Variants in EEFSEC observed in about 807,000 individuals in gnomAD.
EEFSEC encodes eukaryotic elongation factor, selenocysteine-tRNA specific.
Under a neutral mutation model 42.1 loss-of-function variants are expected in EEFSEC, and 43 were observed. The ratio of observed to expected loss-of-function variants is 1.02; its 90% CI spans 0.80 to 1.32. The LOEUF (loss-of-function observed/expected upper bound fraction) is 1.32. Ranked by LOEUF, EEFSEC falls within the 40% of genes most tolerant of loss-of-function variation. The pLI, the probability that EEFSEC is intolerant of heterozygous loss-of-function variation, is 0.00. For synonymous variants in EEFSEC, 354 were observed against 339.1 expected, an observed-to-expected ratio of 1.04 and a Z score of -0.48; for missense variants, 745 against 803.6, an observed-to-expected ratio of 0.93 and a Z score of 0.88.
chr3:128,222,621 A>G (rs1576557131), intron 1 of EEFSEC, among the ~76,000 whole-genome samples: 1 of 152,188 alleles, frequency 6.6e-6, no homozygotes, highest in Non-Finnish European at 1.5e-5. Flanking sequence ...TTATCTGTCT[A>G]CTCTTGATGA....
intron 1 of EEFSEC, among the ~76,000 whole-genome samples, chr3:128,172,335 G>A (rs997216754): frequency 3.3e-5 from 5 of 152,188 alleles, no homozygotes; most frequent in South Asian, 2.1e-4. Context: ...TGGGTCTAGC[G>A]GAAATGCCAC....
At chr3:128,299,830 C>T (rs1167921836) in intron 4 of EEFSEC, among the ~76,000 whole-genome samples, 2 of 152,212 alleles carry the variant, frequency 1.3e-5, no homozygotes, top group African/African-American at 4.8e-5. Context: ...TCGTTGCTTT[C>T]ATAGAGTTAC....
intron 2 of EEFSEC, among the ~76,000 whole-genome samples, chr3:128,251,215 ACCACTCTGTTGAC>A (rs1327013084): frequency 1.3e-5 from 2 of 152,064 alleles, no homozygotes; most frequent in Admixed American, 6.5e-5. Flanking sequence ...TCATGTAACC[ACCACTCTGTTGAC>A]CTACTAGACT....
At chr3:128,413,092 CA>C (rs981630430), downstream of EEFSEC, among the ~76,000 whole-genome samples, 4 of 152,144 alleles carry the variant, frequency 2.6e-5, no homozygotes, top group African/African-American at 4.8e-5. Flanking sequence ...CCAACACAAA[CA>C]GGGGGCAGAG....
the EEFSEC span, among the ~76,000 whole-genome samples, chr3:128,416,603 G>A: frequency 1.3e-5 from 2 of 152,176 alleles, no homozygotes; most frequent in African/African-American, 4.8e-5. Context: ...GTGGGAGTGG[G>A]GTGGCAGGGG....
chr3:128,409,618 C>T (rs189579211), downstream of EEFSEC, among the ~76,000 whole-genome samples: 661 of 152,340 alleles, frequency 4.3e-3, 5 homozygotes, highest in African/African-American at 0.014. Context: ...CCTGGAGGAA[C>T]GTGAGAGAGA....
chr3:128,403,059 G>A (rs1322099717), intron 6 of EEFSEC, among the ~76,000 whole-genome samples: 1 of 152,156 alleles, frequency 6.6e-6, no homozygotes, highest in Non-Finnish European at 1.5e-5. Flanking sequence ...GGAGCATGAG[G>A]GGGTTGTAGT....
At chr3:128,256,941 C>T (rs147640304) in intron 2 of EEFSEC, among the ~76,000 whole-genome samples, 6 of 152,154 alleles carry the variant, frequency 3.9e-5, no homozygotes, top group African/African-American at 1.4e-4. Context: ...GATGGGTTCT[C>T]TCTGTGTTGC....
intron 4 of EEFSEC, among the ~76,000 whole-genome samples, chr3:128,316,150 G>T (rs1232891450): frequency 6.6e-6 from 1 of 152,174 alleles, no homozygotes; most frequent in Non-Finnish European, 1.5e-5. Flanking sequence ...AAAGAGCGTG[G>T]TATTTATTCA....
intron 4 of EEFSEC, among the ~76,000 whole-genome samples, chr3:128,271,847 TG>T (rs2066416673): frequency 6.6e-6 from 1 of 152,136 alleles, no homozygotes; most frequent in African/African-American, 2.4e-5. Context: ...CTCATCTGTC[TG>T]TGGGTCCTCA....
intron 1 of EEFSEC, among the ~76,000 whole-genome samples, chr3:128,166,356 C>G (rs991116881): frequency 6.6e-5 from 10 of 152,214 alleles, no homozygotes; most frequent in Admixed American, 5.2e-4. Context: ...TCTACAGTGG[C>G]ACGGTCCAAC....
intron 6 of EEFSEC, among the ~76,000 whole-genome samples, chr3:128,369,483 C>T (rs530670083): frequency 2.6e-5 from 4 of 152,236 alleles, no homozygotes; most frequent in Non-Finnish European, 4.4e-5. Context: ...CACCAGCCAG[C>T]TGCCTGGAAA....
At chr3:128,418,528 C>G in the EEFSEC span, among the ~76,000 whole-genome samples, 2 of 151,884 alleles carry the variant, frequency 1.3e-5, no homozygotes, top group African/African-American at 2.4e-5. Flanking sequence ...TGGGATCACA[C>G]CTTAGCATCC....
At chr3:128,321,982 G>A (rs145665373) in intron 4 of EEFSEC, among the ~76,000 whole-genome samples, 4 of 152,168 alleles carry the variant, frequency 2.6e-5, no homozygotes, top group Non-Finnish European at 4.4e-5. Context: ...GAGGGCCAGC[G>A]TGGGGGAGCA....
At chr3:128,315,616 G>A (rs562120603) in intron 4 of EEFSEC, among the ~76,000 whole-genome samples, 17 of 152,298 alleles carry the variant, frequency 1.1e-4, no homozygotes, top group Admixed American at 5.2e-4. Context: ...TTGGTACCTT[G>A]TGTTGTAGCC....
chr3:128,257,836 C>A (rs896610660), intron 2 of EEFSEC, among the ~76,000 whole-genome samples: 1 of 150,442 alleles, frequency 6.6e-6, no homozygotes, highest in South Asian at 2.1e-4. Flanking sequence ...GTCAAGCTGT[C>A]CCCCCCCAGC....
the EEFSEC span, among the ~76,000 whole-genome samples, chr3:128,423,860 G>A: frequency 6.6e-6 from 1 of 152,186 alleles, no homozygotes; most frequent in Non-Finnish European, 1.5e-5. Flanking sequence ...TTTAAAATTG[G>A]TCAATGCTCC....
chr3:128,398,742 GC>G (rs1187841377), intron 6 of EEFSEC, among the ~76,000 whole-genome samples: 9 of 152,172 alleles, frequency 5.9e-5, no homozygotes, highest in Non-Finnish European at 1.0e-4. Context: ...AGCTGTGTGA[GC>G]CCCAGCCTGA....
intron 1 of EEFSEC, among the ~76,000 whole-genome samples, chr3:128,161,136 T>C (rs1016805515): frequency 6.6e-6 from 1 of 152,152 alleles, no homozygotes; most frequent in East Asian, 1.9e-4. Context: ...GCATTCTCAG[T>C]GTGAATGAAA....
Sources: allele counts gnomAD v4.1 joint callset (sites outside exome capture counted in the v4.1 genomes callset), GRCh38; gene constraint gnomAD v4.1.1; transcripts MANE v1.5; gene names NCBI Gene and HGNC (gene_info 2026-07-23, HGNC 2026-07-21).